Variants in ADRA1A observed in about 807,000 individuals in gnomAD.
The protein encoded by ADRA1A is adrenoceptor alpha 1A.
ADRA1A carries 31 observed loss-of-function variants against 29.6 expected under a neutral mutation model. The observed-to-expected ratio is 1.05, with a 90% CI of 0.79 to 1.41. The LOEUF (loss-of-function observed/expected upper bound fraction) is 1.41, where lower values mean the gene tolerates loss of function less well. ADRA1A is among the 40% of genes most tolerant of loss of function. The pLI is 0.00. For synonymous variants in ADRA1A, 311 were observed against 254.3 expected (o/e 1.22, Z -2.12); for missense variants, 619 against 601.1 (o/e 1.03, Z -0.31).
At chr8:26,816,533 ATG>A (rs59536491) in intron 2 of ADRA1A, among the ~76,000 whole-genome samples, 38,246 of 147,190 alleles carry the variant, frequency 0.26, 4,901 homozygotes, top group East Asian at 0.42. Context: ...CTCATGGTGT[ATG>A]TGTGTGTGTG....
chr8:26,791,453 C>T (rs4732880), intron 2 of ADRA1A, among the ~76,000 whole-genome samples: 54,458 of 151,938 alleles, frequency 0.36, 11,483 homozygotes, highest in East Asian at 0.84. Flanking sequence ...GACAGTATGG[C>T]GATGATGATG....
At chr8:26,772,230 T>A (rs1287404089) in intron 2 of ADRA1A, 1 of 151,972 alleles carries the variant, frequency 6.6e-6, no homozygotes, top group Non-Finnish European at 1.5e-5. Context: ...ACAATACTGA[T>A]AAGAGTGATG....
At chr8:26,756,964 C>A in intron 2 of ADRA1A, 2 of 849,708 alleles carry the variant, frequency 2.4e-6, no homozygotes, top group Non-Finnish European at 3.8e-6. Flanking sequence ...GGATCCCTCT[C>A]ATTTCCTCAT....
chr8:26,760,344 G>T (rs1454102530), intron 2 of ADRA1A, among the ~76,000 whole-genome samples: 1 of 152,198 alleles, frequency 6.6e-6, no homozygotes, highest in Admixed American at 6.5e-5. Flanking sequence ...TGCTCATGAA[G>T]GCTTAGGCTT....
chr8:26,778,753 T>C (rs899313131), intron 2 of ADRA1A, among the ~76,000 whole-genome samples: 4 of 128,842 alleles, frequency 3.1e-5, no homozygotes, highest in African/African-American at 6.0e-5. Flanking sequence ...ATGACTATAC[T>C]TGGACACAGG....
At chr8:26,816,499 A>G (rs1305508589) in intron 2 of ADRA1A, among the ~76,000 whole-genome samples, 1 of 151,900 alleles carries the variant, frequency 6.6e-6, no homozygotes, top group East Asian at 1.9e-4. Context: ...GGCTGGGAGA[A>G]GGGCAAAAAC....
At chr8:26,774,093 C>T (rs370557903) in intron 2 of ADRA1A, among the ~76,000 whole-genome samples, 5 of 152,300 alleles carry the variant, frequency 3.3e-5, no homozygotes, top group African/African-American at 4.8e-5. Context: ...TGCTTCCAGA[C>T]CAGAGACCTT....
chr8:26,864,280 C>T lies in ADRA1A; in HGVS notation c.690G>A (p.Glu230=). Residue 230 remains glutamate, a synonymous_variant, in exon 2 of 3, where the codon GAG becomes GAA. Transcript: ENST00000380573. The surrounding 1 kb of genome is among the most constrained non-coding windows in gnomAD (Gnocchi z 8.1). ...TCCGATGGATGCGGAGCGTCACTTG[C>T]TCCGAGTCCGACTTGTCGGTCTTGA... is the stretch of plus-strand genomic sequence containing the variant. ...SGLKTDKSDS[E]QVTLRIHRKN... 1.2e-6 allele frequency: 2 copies of T among 1,614,176 alleles called. No individual in the cohort carries two copies. Among genetic ancestry groups the T allele is most frequent in the African/African-American group, 1.3e-5 (1 of 75,070 alleles).
At chr8:26,844,003 C>T (rs116660640) in intron 2 of ADRA1A, among the ~76,000 whole-genome samples, 1 of 152,168 alleles carries the variant, frequency 6.6e-6, no homozygotes, top group Non-Finnish European at 1.5e-5. Context: ...TTTTGAGCAT[C>T]ATGAGATAAC....
At chr8:26,779,127 C>T in intron 2 of ADRA1A, 1 of 534,506 alleles carries the variant, frequency 1.9e-6, no homozygotes, top group Non-Finnish European at 3.3e-6. Context: ...TTGTCTCATC[C>T]TCCAGAGCAC....
chr8:26,835,586 A>C (rs1483399034), intron 2 of ADRA1A, among the ~76,000 whole-genome samples: 1 of 152,146 alleles, frequency 6.6e-6, no homozygotes, highest in Non-Finnish European at 1.5e-5. Context: ...AGAACTTACT[A>C]TCACGAGAAT....
chr8:26,750,164 T>G (rs1270277480), intron 2 of ADRA1A, among the ~76,000 whole-genome samples: 1 of 152,128 alleles, frequency 6.6e-6, no homozygotes. Flanking sequence ...GAACCTCAGA[T>G]AGCAGAAGGG....
downstream of ADRA1A, among the ~76,000 whole-genome samples, chr8:26,762,747 A>G (rs1017982363): frequency 5.3e-5 from 8 of 152,186 alleles, no homozygotes; most frequent in Non-Finnish European, 7.3e-5. This position sits in a 1 kb window ranked among gnomAD's most constrained non-coding sequence, Gnocchi z 4.0. Flanking sequence ...GTTCTTCCAT[A>G]TCAGTTCTGC....
In ADRA1A at chr8:26,768,827, T is replaced by C. The variant is rs1469754811; in HGVS notation, c.*1322A>G. On this transcript the variant is annotated 3_prime_UTR_variant, in exon 3 of 3. Coordinates refer to ENST00000380573, the MANE Select transcript of ADRA1A (RefSeq NM_000680.4). ...CAAGTTCTGTACTGAGTTATTATGGTTTACCAAAATTTGGTATACATAAAG... is the reference window on the plus strand; with the variant it reads ...CAAGTTCTGTACTGAGTTATTATGGCTTACCAAAATTTGGTATACATAAAG... The C allele has an allele frequency of 1.1e-6, 1 of 908,414 alleles. No individual in the cohort carries two copies. Among genetic ancestry groups the C allele is most frequent in the East Asian group, 1.2e-4 (1 of 8,414 alleles). The allele number at this position is 908,414 out of a possible 1,614,324, so 56.3% of individuals were successfully genotyped here.
intron 2 of ADRA1A, among the ~76,000 whole-genome samples, chr8:26,789,012 C>T (rs1447472211): frequency 2.0e-5 from 3 of 152,090 alleles, no homozygotes; most frequent in East Asian, 3.9e-4. Context: ...CATACATGTG[C>T]AATGGTGGCC....
chr8:26,810,019 G>A (rs1424177340), intron 2 of ADRA1A, among the ~76,000 whole-genome samples: 4 of 152,176 alleles, frequency 2.6e-5, no homozygotes. Flanking sequence ...AGTTCTAAGA[G>A]GGAGATCTGC....
chr8:26,867,176 A>C lies in ADRA1A; in HGVS notation c.-927T>G. The stretch of plus-strand genomic sequence containing the variant: ...AGAGTCAAAATAAGAAAAGAAAAAA[A>C]AATGCAGATAACCGGTAACTCCACA... On this transcript the variant is annotated 5_prime_UTR_variant, in exon 1 of 3. Transcript: ENST00000380573. The C allele has an allele frequency of 1.0e-6, 1 of 985,468 alleles. No individual in the cohort carries two copies. Among genetic ancestry groups the C allele is most frequent in the South Asian group, 4.7e-5 (1 of 21,288 alleles). The allele number at this position is 985,468 out of a possible 1,614,324, so 61.0% of individuals were successfully genotyped here.
At chr8:26,793,052 G>C (rs1807946106) in intron 2 of ADRA1A, among the ~76,000 whole-genome samples, 1 of 151,732 alleles carries the variant, frequency 6.6e-6, no homozygotes, top group African/African-American at 2.4e-5. Context: ...AAAATAAACT[G>C]AGACGGTAAT....
Position 26,784,340 on chromosome 8 carries a change from C to T in ADRA1A, c.884-13674G>A, listed in dbSNP as rs186633632. On this transcript the variant is annotated intron_variant, in intron 2 of 2. Transcript: ENST00000380573. ...GCTGTCGGGATTCCCCTCTGAAATG[C>T]TCACCCAATATCTGCTCCAATTAGG... is the stretch of plus-strand genomic sequence containing the variant. Among the ~76,000 whole-genome samples the T allele has an allele frequency of 2.2e-3, 335 of 152,342 alleles. 3 individuals are homozygous for T. Among genetic ancestry groups the T allele is most frequent in the African/African-American group, 7.8e-3 (324 of 41,588 alleles).
Sources: allele counts gnomAD v4.1 joint callset (sites outside exome capture counted in the v4.1 genomes callset), GRCh38; gene constraint gnomAD v4.1.1; non-coding constraint Gnocchi (gnomAD v3.1); transcripts MANE v1.5; gene names NCBI Gene and HGNC (gene_info 2026-07-23, HGNC 2026-07-21).